Variants in RPRD1A observed in about 807,000 individuals in gnomAD.
RPRD1A encodes the protein regulation of nuclear pre-mRNA domain containing 1A.
Under a neutral mutation model 37.8 loss-of-function variants are expected in RPRD1A, and 9 were observed. The ratio of observed to expected loss-of-function variants is 0.24; its 90% CI spans 0.14 to 0.42. The LOEUF (loss-of-function observed/expected upper bound fraction) is 0.42. RPRD1A is among the 10% of genes least tolerant of loss of function. The probability of loss-of-function intolerance (pLI) is 1.00; values close to 1 mark genes in which losing one functional copy is unlikely to be tolerated. For missense variants in RPRD1A, 255 were observed against 371.0 expected, an observed-to-expected ratio of 0.69 and a Z score of 2.57; for synonymous variants, 138 against 139.7, an observed-to-expected ratio of 0.99 and a Z score of 0.08.
chr18:36,003,987 A>T (rs1303311249), intron 6 of RPRD1A, among the ~76,000 whole-genome samples: 3 of 147,456 alleles, frequency 2.0e-5, no homozygotes, highest in Non-Finnish European at 4.5e-5. Context: ...GGAGACAGAC[A>T]GACAGACACA....
chr18:36,057,654 T>C (rs1046814512), intron 1 of RPRD1A, among the ~76,000 whole-genome samples: 1 of 152,142 alleles, frequency 6.6e-6, no homozygotes, highest in Non-Finnish European at 1.5e-5. Context: ...AAATGTGTAT[T>C]ATCCTGTCTA....
chr18:36,053,783 G>T (rs751329756), intron 1 of RPRD1A, among the ~76,000 whole-genome samples: 3 of 152,144 alleles, frequency 2.0e-5, no homozygotes, highest in African/African-American at 7.2e-5. Flanking sequence ...CCGCTGGGAG[G>T]CTACTACAAG....
chr18:36,051,031 T>C (rs889612257), intron 1 of RPRD1A, among the ~76,000 whole-genome samples: 16 of 152,048 alleles, frequency 1.1e-4, no homozygotes, highest in African/African-American at 3.1e-4. Context: ...TTTTTGACCC[T>C]CCCAAAACTT....
intron 1 of RPRD1A, among the ~76,000 whole-genome samples, chr18:36,059,693 A>G (rs2088867336): frequency 6.6e-6 from 1 of 152,220 alleles, no homozygotes. Flanking sequence ...TTTTTCAAAG[A>G]ATACATTTAA....
chr18:36,066,762 CAG>C (rs1402076870), intron 1 of RPRD1A, among the ~76,000 whole-genome samples: 2 of 152,200 alleles, frequency 1.3e-5, no homozygotes, highest in African/African-American at 4.8e-5. Flanking sequence ...TCTACAAATT[CAG>C]AGTCTTTTCC....
At chr18:36,052,904 C>A (rs1260224313) in intron 1 of RPRD1A, 2 of 151,870 alleles carry the variant, frequency 1.3e-5, no homozygotes, top group Non-Finnish European at 2.9e-5. Flanking sequence ...AACCTCAATT[C>A]AAATTTAAGA....
chr18:36,058,814 CT>C (rs1396603603), intron 1 of RPRD1A, among the ~76,000 whole-genome samples: 2 of 152,092 alleles, frequency 1.3e-5, no homozygotes, highest in South Asian at 2.1e-4. Context: ...TATTATTTGC[CT>C]TTTTTCACTC....
intron 6 of RPRD1A, among the ~76,000 whole-genome samples, chr18:36,016,916 A>T (rs1436157172): frequency 1.3e-5 from 2 of 152,174 alleles, no homozygotes; most frequent in African/African-American, 4.8e-5. Context: ...AAATCTTGCC[A>T]AAAGGTATTC....
chr18:36,005,838 C>T (rs565539127), intron 6 of RPRD1A, among the ~76,000 whole-genome samples: 1 of 152,288 alleles, frequency 6.6e-6, no homozygotes, highest in South Asian at 2.1e-4. Context: ...CACAGCATGG[C>T]TACACCTGTG....
At chr18:36,065,849 G>A (rs774221154) in intron 1 of RPRD1A, among the ~76,000 whole-genome samples, 19 of 151,618 alleles carry the variant, frequency 1.3e-4, no homozygotes, top group Non-Finnish European at 2.4e-4. Flanking sequence ...GTTTCCTCAC[G>A]TGAAATGCCT....
intron 6 of RPRD1A, among the ~76,000 whole-genome samples, chr18:36,021,933 T>C (rs2144250849): frequency 6.6e-6 from 1 of 152,174 alleles, no homozygotes; most frequent in South Asian, 2.1e-4. Context: ...CCCAGGAGGT[T>C]GAAGTTGCAG....
Position 36,025,642 on chromosome 18 carries a change from T to C in RPRD1A, c.789+1258A>G, listed in dbSNP as rs748802109. 7 of 1,289,016 alleles carry C rather than the reference T, an allele frequency of 5.4e-6. No homozygotes were observed. In the South Asian group the frequency reaches 7.4e-5, roughly 14 times the overall value. The allele number at this position is 1,289,016 out of a possible 1,614,324, so 79.8% of individuals were successfully genotyped here. ...TTTAGCAGGAAGAATATACTAATGG[T>C]GACGACATCGTTAGAAGATACGCCC... On this transcript the variant is annotated intron_variant, in intron 6 of 6. Coordinates refer to ENST00000399022, the MANE Select transcript of RPRD1A (RefSeq NM_018170.5).
intron 1 of RPRD1A, among the ~76,000 whole-genome samples, chr18:36,056,927 TAAA>T (rs997580158): frequency 3.3e-5 from 5 of 151,234 alleles, no homozygotes; most frequent in African/African-American, 1.2e-4. Flanking sequence ...CAAAAATAAA[TAAA>T]AAAGGTGAGG....
intron 1 of RPRD1A, among the ~76,000 whole-genome samples, chr18:36,057,256 C>T (rs1327524581): frequency 2.3e-5 from 3 of 132,650 alleles, no homozygotes; most frequent in African/African-American, 5.1e-5. Flanking sequence ...ATATATATAT[C>T]ACACACACAC....
At chr18:36,047,303 A>G (rs1913030671) in intron 1 of RPRD1A, among the ~76,000 whole-genome samples, 1 of 152,172 alleles carries the variant, frequency 6.6e-6, no homozygotes, top group African/African-American at 2.4e-5. Flanking sequence ...CAACATAACA[A>G]AAATCTGTGG....
At chr18:36,028,357 T>C (rs996861557) in intron 4 of RPRD1A, among the ~76,000 whole-genome samples, 25 of 152,338 alleles carry the variant, frequency 1.6e-4, no homozygotes, top group Admixed American at 1.4e-3. Flanking sequence ...AAAATTTCAG[T>C]ATTTTAAAAA....
intron 6 of RPRD1A, among the ~76,000 whole-genome samples, chr18:36,016,715 A>G (rs1182403627): frequency 6.6e-6 from 1 of 152,194 alleles, no homozygotes; most frequent in Non-Finnish European, 1.5e-5. Flanking sequence ...GATTTAAAGC[A>G]CTGTTCTTCA....
intron 1 of RPRD1A, among the ~76,000 whole-genome samples, chr18:36,045,675 C>G (rs1373276384): frequency 3.3e-5 from 5 of 152,172 alleles, no homozygotes; most frequent in Admixed American, 1.3e-4. Context: ...ACTTTGCAAC[C>G]TGATGAAATG....
chr18:36,030,958 G>T (rs775676997), intron 3 of RPRD1A, 33 bp downstream of exon 3: 2 of 1,596,290 alleles, frequency 1.3e-6, no homozygotes, highest in Admixed American at 3.4e-5. Flanking sequence ...TTAATGAAGA[G>T]ATCAAGGTAA....
Sources: gnomAD v4.1 joint callset for allele counts (sites outside exome capture counted in the v4.1 genomes callset) on GRCh38, gnomAD v4.1.1 for gene constraint, MANE v1.5 for transcripts, NCBI Gene and HGNC (gene_info 2026-07-23, HGNC 2026-07-21) for gene names.